Variants in SVEP1 observed in about 807,000 individuals in gnomAD.
SVEP1 encodes the protein sushi, von Willebrand factor type A, EGF and pentraxin domain-containing protein 1.
Under a neutral mutation model 367.3 loss-of-function variants are expected in SVEP1, and 164 were observed. The observed-to-expected ratio is 0.45, with a 90% confidence interval of 0.39 to 0.51. The LOEUF (loss-of-function observed/expected upper bound fraction) is 0.51. Among genes scored for constraint, SVEP1 ranks in the 20% least tolerant of loss-of-function variants. The pLI is 0.00. For synonymous variants in SVEP1, 1,666 were observed against 1,611.6 expected, an observed-to-expected ratio of 1.03 and a Z score of -0.81; for missense variants, 4,117 against 4,425.3, an observed-to-expected ratio of 0.93 and a Z score of 1.98.
chr9:110,522,351 T>C (rs1159608883), intron 3 of SVEP1, among the ~76,000 whole-genome samples: 7 of 152,148 alleles, frequency 4.6e-5, no homozygotes, highest in Non-Finnish European at 7.3e-5. Context: ...TGATTGTTGA[T>C]CACTTAGATC....
rs548582314 is a variant in SVEP1 at position 110,386,094 on chromosome 9, A to G, written c.10061-20T>C. 6.9e-6 allele frequency: 11 copies of G among 1,598,646 alleles called. No individual in the cohort carries two copies. The highest frequency in any genetic ancestry group is 8.5e-7 in the Non-Finnish European group (1 of 1,172,412). ...GATTTGCTGTCAAAAAGAAAAGAAAATGCTTACTGATATTTCCCCTCTTTT... is the reference window on the plus strand; with the variant it reads ...GATTTGCTGTCAAAAAGAAAAGAAAGTGCTTACTGATATTTCCCCTCTTTT... On this transcript the variant is annotated intron_variant, in intron 42 of 47. Coordinates refer to ENST00000374469, the MANE Select transcript of SVEP1 (RefSeq NM_153366.4).
chr9:110,448,168 C>A (rs575305768), intron 24 of SVEP1, among the ~76,000 whole-genome samples: 1 of 58,716 alleles, frequency 1.7e-5, no homozygotes, highest in South Asian at 7.5e-4. Context: ...TGTGTGCGCG[C>A]GCTCGCGCGT....
intron 11 of SVEP1, among the ~76,000 whole-genome samples, chr9:110,481,960 G>A (rs1451815081): frequency 6.6e-6 from 1 of 151,992 alleles, no homozygotes; most frequent in African/African-American, 2.4e-5. Flanking sequence ...TGATCCACCC[G>A]CCTCGGCCTC....
At chr9:110,454,581 G>T (rs930146053) in intron 22 of SVEP1, among the ~76,000 whole-genome samples, 1 of 152,194 alleles carries the variant, frequency 6.6e-6, no homozygotes, top group Non-Finnish European at 1.5e-5. Flanking sequence ...TGGTGGATTA[G>T]ATAAAGAAAA....
At chr9:110,525,105 T>C (rs1390886160) in intron 3 of SVEP1, among the ~76,000 whole-genome samples, 1 of 152,026 alleles carries the variant, frequency 6.6e-6, no homozygotes, top group Non-Finnish European at 1.5e-5. Flanking sequence ...ACCAGAACAG[T>C]AAGGGAAGAA....
chr9:110,488,798 T>C (rs1829324929), intron 9 of SVEP1, among the ~76,000 whole-genome samples: 1 of 152,068 alleles, frequency 6.6e-6, no homozygotes, highest in African/African-American at 2.4e-5. Context: ...TGCTTGAGCC[T>C]AGGAATTTGA....
chr9:110,373,643 T>G (rs1827309450), intron 46 of SVEP1, among the ~76,000 whole-genome samples: 1 of 151,560 alleles, frequency 6.6e-6, no homozygotes, highest in Non-Finnish European at 1.5e-5. Context: ...AGTGGTGGCT[T>G]AAAATTTTAG....
intron 12 of SVEP1, among the ~76,000 whole-genome samples, chr9:110,480,628 GT>G (rs1829170832): frequency 6.6e-6 from 1 of 151,842 alleles, no homozygotes; most frequent in Non-Finnish European, 1.5e-5. Flanking sequence ...CACTATGAGA[GT>G]TTTTTCTCTA....
chr9:110,514,765 A>T (rs1260373915), intron 3 of SVEP1, among the ~76,000 whole-genome samples: 3 of 151,884 alleles, frequency 2.0e-5, no homozygotes, highest in African/African-American at 2.4e-5. Flanking sequence ...CTCAATAGAT[A>T]AAAAAAACTT....
intron 43 of SVEP1, 86 bp from the exon 44 acceptor site, chr9:110,379,603 C>A: frequency 7.3e-7 from 1 of 1,369,558 alleles, no homozygotes; most frequent in African/African-American, 1.5e-5. Flanking sequence ...AATTAAAGAG[C>A]AAAAATAAAA....
intron 2 of SVEP1, 113 bp downstream of exon 2, chr9:110,549,736 T>C (rs1467276682): frequency 1.5e-6 from 2 of 1,371,348 alleles, no homozygotes; most frequent in Non-Finnish European, 2.0e-6. Flanking sequence ...GGGCATCATA[T>C]TCAGCAAAGA....
At chr9:110,396,436 G>T (rs1199587381) in intron 40 of SVEP1, among the ~76,000 whole-genome samples, 1 of 152,096 alleles carries the variant, frequency 6.6e-6, no homozygotes, top group African/African-American at 2.4e-5. Context: ...ACAACTAAAA[G>T]AACTAGAGAA....
intron 9 of SVEP1, among the ~76,000 whole-genome samples, chr9:110,489,072 C>A (rs1353638656): frequency 6.6e-6 from 1 of 152,068 alleles, no homozygotes; most frequent in Admixed American, 6.6e-5. Context: ...GCATTGGGAA[C>A]TTTCATGTGG....
At chr9:110,399,905 T>C (rs1352621845) in intron 40 of SVEP1, among the ~76,000 whole-genome samples, 3 of 152,148 alleles carry the variant, frequency 2.0e-5, no homozygotes, top group Admixed American at 6.5e-5. Context: ...AATGACAACA[T>C]GGTGTAATGT....
At chr9:110,543,949 G>A (rs546416014) in intron 3 of SVEP1, among the ~76,000 whole-genome samples, 1 of 152,250 alleles carries the variant, frequency 6.6e-6, no homozygotes, top group East Asian at 1.9e-4. Flanking sequence ...TTCTGCTTAA[G>A]TGAGAAATCC....
intron 40 of SVEP1, among the ~76,000 whole-genome samples, chr9:110,396,886 G>A (rs1264206676): frequency 3.3e-5 from 5 of 151,778 alleles, no homozygotes; most frequent in Admixed American, 1.3e-4. Flanking sequence ...AGGACCAGAT[G>A]GATTCACAGC....
chr9:110,559,534 T>G (rs1321152750), intron 1 of SVEP1, among the ~76,000 whole-genome samples: 1 of 152,068 alleles, frequency 6.6e-6, no homozygotes, highest in African/African-American at 2.4e-5. Flanking sequence ...TTTTTTTAAC[T>G]TCTCAAATGG....
intron 5 of SVEP1, among the ~76,000 whole-genome samples, chr9:110,508,507 A>T (rs1023435968): frequency 1.4e-4 from 21 of 152,286 alleles, no homozygotes; most frequent in Admixed American, 4.6e-4. Context: ...CACGCCTGTA[A>T]TCCCGGCACT....
At chr9:110,563,003 G>C in intron 1 of SVEP1, among the ~76,000 whole-genome samples, 1 of 152,244 alleles carries the variant, frequency 6.6e-6, no homozygotes, top group East Asian at 1.9e-4. Context: ...AACAAGGCAA[G>C]AAATATAAAT....
Sources: gnomAD v4.1 joint callset for allele counts (sites outside exome capture counted in the v4.1 genomes callset) on GRCh38, gnomAD v4.1.1 for gene constraint, MANE v1.5 for transcripts, NCBI Gene and HGNC (gene_info 2026-07-23, HGNC 2026-07-21) for gene names.